The following LARP1 variants were observed in gnomAD, a reference collection of about 807,000 sequenced individuals.
The protein encoded by LARP1 is La ribonucleoprotein 1, translational regulator, also known as la-related protein 1.
Under a neutral mutation model 122.7 loss-of-function variants are expected in LARP1, and 36 were observed. The observed-to-expected ratio is 0.29, with a 90% CI of 0.22 to 0.39. The LOEUF (loss-of-function observed/expected upper bound fraction) is 0.39. Among genes scored for constraint, LARP1 ranks in the 10% least tolerant of loss-of-function variants. The probability of loss-of-function intolerance (pLI) is 1.00; values close to 1 mark genes in which losing one functional copy is unlikely to be tolerated. For synonymous variants in LARP1, 539 were observed against 528.7 expected, an observed-to-expected ratio of 1.02 and a Z score of -0.27; for missense variants, 1,040 against 1,403.6, an observed-to-expected ratio of 0.74 and a Z score of 4.14.
rs17116424 is a variant in LARP1, at chr5:154,780,773, G to A, written c.437-9552G>A. 8.2e-3 allele frequency among the ~76,000 whole-genome samples: 1,242 copies of A among 152,252 alleles called. 39 individuals carry two copies. In the South Asian group the frequency reaches 0.094, roughly 11 times the overall value. ...AAGATTGGAAGGACAATAAAAATGA[G>A]TTTGTGGGCCGGCCACGGTGGCCCA... On this transcript the variant is annotated intron_variant, in intron 1 of 18. Transcript: ENST00000518297.
At chr5:154,697,375 T>C (rs1754515895) in intron 1 of LARP1, among the ~76,000 whole-genome samples, 1 of 152,172 alleles carries the variant, frequency 6.6e-6, no homozygotes, top group Non-Finnish European at 1.5e-5. Context: ...TATGTGCGTG[T>C]ACCTGTCTTA....
At chr5:154,722,828 G>A (rs1024531457) in intron 1 of LARP1, among the ~76,000 whole-genome samples, 6 of 152,108 alleles carry the variant, frequency 3.9e-5, no homozygotes, top group East Asian at 3.9e-4. Flanking sequence ...CTACAGGTGC[G>A]TACCACCATG....
intron 3 of LARP1, 37 bp downstream of exon 3, chr5:154,790,747 T>C (rs912142105): frequency 6.4e-7 from 1 of 1,571,844 alleles, no homozygotes; most frequent in Admixed American, 1.7e-5. Flanking sequence ...GTTTGAAGTC[T>C]CTTGACATAC....
At chr5:154,768,034 C>G (rs1755094429) in intron 1 of LARP1, among the ~76,000 whole-genome samples, 1 of 152,204 alleles carries the variant, frequency 6.6e-6, no homozygotes, top group Non-Finnish European at 1.5e-5. Context: ...GGAAATGCTG[C>G]TTGTCTTGAA....
chr5:154,702,619 C>T (rs1754770357), intron 1 of LARP1, among the ~76,000 whole-genome samples: 8 of 151,788 alleles, frequency 5.3e-5, no homozygotes. Flanking sequence ...GGCAGCCTTA[C>T]AAGGCAAAAG....
chr5:154,692,431 C>G (rs556740253), intron 1 of LARP1, among the ~76,000 whole-genome samples: 1 of 152,288 alleles, frequency 6.6e-6, no homozygotes, highest in Admixed American at 6.5e-5. Context: ...TCAACTCACC[C>G]TAAGTGCTTG....
At position 154,804,297 on chromosome 5, in the gene LARP1, G is replaced by T; in HGVS notation, c.2536G>T (p.Ala846Ser). 1 of 1,613,372 alleles carries T rather than the reference G, an allele frequency of 6.2e-7. No homozygotes were observed. Among genetic ancestry groups the T allele is most frequent in the Non-Finnish European group, 8.5e-7 (1 of 1,179,338 alleles). The change falls in exon 14 of 19, where the codon GCT becomes TCT. Residue 846 changes from alanine (A) to serine (S), a missense_variant. Physicochemically the swap from Ala to Ser is moderately conservative, Grantham distance 99. Coordinates refer to ENST00000518297, the MANE Select transcript of LARP1 (RefSeq NM_033551.3). ...MDSREHRPRT[A>S]SISSSPSEGT... The stretch of plus-strand genomic sequence containing the variant: ...TTCCCGTGAGCACAGGCCCCGTACT[G>T]CTTCCATCAGGTACCTGGGGCAGTG...
In LARP1 at chr5:154,793,619, T is replaced by A; in HGVS notation, c.764T>A (p.Leu255Ter). The A allele has an allele frequency of 6.2e-7, 1 of 1,614,126 alleles. No homozygotes were observed. The highest frequency in any genetic ancestry group is 8.5e-7 in the Non-Finnish European group (1 of 1,180,028). Residue 255 changes from leucine to a stop codon, truncating the protein, a stop_gained, in exon 5 of 19, where the codon TTA becomes TAA. Coordinates refer to ENST00000518297, the MANE Select transcript of LARP1 (RefSeq NM_033551.3). LOFTEE classifies it high-confidence loss of function. ...GGAAACAAACACAAGTGGGTTCCAT[T>A]ACAAATAGACATGAAGCCTGAAGTG... ...KKGNKHKWVP[L>*]QIDMKPEVPR...
At chr5:154,714,458 C>T (rs150972640) in intron 1 of LARP1, among the ~76,000 whole-genome samples, 95 of 152,300 alleles carry the variant, frequency 6.2e-4, no homozygotes, top group African/African-American at 2.3e-3. Context: ...TTTCTAACGA[C>T]TCGTGGGATG....
In LARP1 at chr5:154,694,374, A is replaced by G. The variant is rs146125085; in HGVS notation, c.-180+11337A>G. On this transcript the variant is annotated intron_variant, in intron 1 of 18. Coordinates refer to the LARP1 transcript ENST00000687700. ...TAGACTCAAGCCATCCTCCCTCTTC[A>G]GCCTCCCCACAGCTGGGACTATAGG... Among the ~76,000 whole-genome samples the G allele has an allele frequency of 3.3e-5, 5 of 152,024 alleles. No homozygotes were observed. The East Asian group carries it at 9.7e-4, about 29-fold the overall frequency.
In LARP1 at chr5:154,755,383, A is replaced by C. The variant is rs1233068526; in HGVS notation, c.-375A>C. Reference sequence around the variant, plus strand: ...CCGCGCCTCTCCCCCGTCCGTCCATATTGCTGCAGCCCCCGAGCCGGGAAG... The same window carrying C: ...CCGCGCCTCTCCCCCGTCCGTCCATCTTGCTGCAGCCCCCGAGCCGGGAAG... On this transcript the variant is annotated 5_prime_UTR_variant, in exon 1 of 19. Transcript: ENST00000518297. 1.5e-4 allele frequency among the ~76,000 whole-genome samples: 23 copies of C among 149,124 alleles called. No individual in the cohort carries two copies. Among genetic ancestry groups the C allele is most frequent in the Admixed American group, 1.5e-3 (23 of 15,128 alleles).
rs1186100505 is a variant in LARP1 at position 154,736,643 on chromosome 5, G to A, written c.205+23513G>A. On this transcript the variant is annotated intron_variant, in intron 1 of 18. Transcript: ENST00000336314. ...TGCAGTAGCATGATCTTGCCTCACT[G>A]CAACCTCTGCCTCCTGGGTTCAAGT... 2.0e-5 allele frequency among the ~76,000 whole-genome samples: 3 copies of A among 151,730 alleles called. No individual in the cohort carries two copies. In the East Asian group the frequency reaches 5.8e-4, roughly 29 times the overall value.
chr5:154,700,953 G>C (rs1009233814), intron 1 of LARP1, among the ~76,000 whole-genome samples: 1 of 151,888 alleles, frequency 6.6e-6, no homozygotes, highest in Non-Finnish European at 1.5e-5. Context: ...GTGTCAGAGA[G>C]AGACTCCATC....
upstream of LARP1, among the ~76,000 whole-genome samples, chr5:154,755,300 G>T (rs1402556580): frequency 6.8e-6 from 1 of 147,786 alleles, no homozygotes; most frequent in African/African-American, 2.5e-5. Context: ...CGCCCGCCGC[G>T]TCGTGAGGCG....
chr5:154,737,957 C>T (rs1371411053), intron 1 of LARP1, among the ~76,000 whole-genome samples: 1 of 152,132 alleles, frequency 6.6e-6, no homozygotes, highest in African/African-American at 2.4e-5. Context: ...ACTCTCAGAT[C>T]TTGTCTTCAT....
intron 8 of LARP1, among the ~76,000 whole-genome samples, chr5:154,798,694 A>G (rs1476049932): frequency 1.3e-5 from 2 of 151,986 alleles, no homozygotes; most frequent in African/African-American, 2.4e-5. Flanking sequence ...GAGTCTCGCT[A>G]TTTTGCTCAG....
intron 1 of LARP1, among the ~76,000 whole-genome samples, chr5:154,730,774 G>C (rs1756510406): frequency 1.3e-5 from 2 of 150,044 alleles, no homozygotes; most frequent in Admixed American, 1.3e-4. Flanking sequence ...GCCCAGCCAA[G>C]TGATTATATT....
At position 154,777,177 on chromosome 5, in the gene LARP1, A is replaced by G. The variant is rs1019999080; in HGVS notation, c.437-13148A>G. Among the ~76,000 whole-genome samples, 9 of 152,146 alleles carry G rather than the reference A, an allele frequency of 5.9e-5. No individual in the cohort carries two copies. The East Asian group carries it at 9.6e-4, about 16-fold the overall frequency. Reference sequence around the variant, plus strand: ...TGAATACTGTAGGAGTTGTAATACAATGGTAAGTATTTGTGTATCTAAACA... The same window carrying G: ...TGAATACTGTAGGAGTTGTAATACAGTGGTAAGTATTTGTGTATCTAAACA... On this transcript the variant is annotated intron_variant, in intron 1 of 18. Coordinates refer to ENST00000518297, the MANE Select transcript of LARP1 (RefSeq NM_033551.3).
chr5:154,789,192 C>T lies in LARP1; in HGVS notation c.437-1133C>T, dbSNP rs1321507508. On this transcript the variant is annotated intron_variant, in intron 1 of 18. Coordinates refer to ENST00000518297, the MANE Select transcript of LARP1 (RefSeq NM_033551.3). ...CGCCACTGCACTCCAGCCTGGGTGA[C>T]AGAGCGAGACTCTGTCTCAAAACAA... is the stretch of plus-strand genomic sequence containing the variant. 5.5e-5 allele frequency among the ~76,000 whole-genome samples: 8 copies of T among 145,766 alleles called. No individual in the cohort carries two copies. The South Asian group carries it at 1.7e-3, about 32-fold the overall frequency.
Sources: gnomAD v4.1 joint callset for allele counts (sites outside exome capture counted in the v4.1 genomes callset) on GRCh38, gnomAD v4.1.1 for gene constraint, MANE v1.5 for transcripts, NCBI Gene and HGNC (gene_info 2026-07-23, HGNC 2026-07-21) for gene names.